Variants in ABCA5 observed in about 807,000 individuals in gnomAD.
ABCA5 encodes cholesterol transporter ABCA5.
Under a neutral mutation model 206.0 loss-of-function variants are expected in ABCA5, and 163 were observed. That is an observed-to-expected ratio of 0.79 (90% CI 0.70 to 0.90). The LOEUF (loss-of-function observed/expected upper bound fraction) is 0.90, where lower values mean the gene tolerates loss of function less well. Ranked by LOEUF, ABCA5 falls within the 40% of genes least tolerant of loss-of-function variation. ABCA5 has a pLI of 0.00. For synonymous variants in ABCA5, 609 were observed against 613.8 expected, an observed-to-expected ratio of 0.99 and a Z score of 0.11; for missense variants, 1,859 against 1,912.9, an observed-to-expected ratio of 0.97 and a Z score of 0.53.
intron 37 of ABCA5, chr17:69,249,547 C>T (rs959525312): frequency 7.9e-5 from 17 of 215,680 alleles, no homozygotes; most frequent in Middle Eastern, 1.6e-3. Flanking sequence ...ACTGCAAAGA[C>T]TCGATAATTA....
At chr17:69,312,525 G>A (rs2075780162) in intron 3 of ABCA5, among the ~76,000 whole-genome samples, 1 of 152,180 alleles carries the variant, frequency 6.6e-6, no homozygotes, top group South Asian at 2.1e-4. Flanking sequence ...ATGGTAAGCT[G>A]AAAAGGTGAC....
chr17:69,321,436 G>A (rs12937947), intron 1 of ABCA5, among the ~76,000 whole-genome samples: 54,900 of 152,094 alleles, frequency 0.36, 11,337 homozygotes, highest in South Asian at 0.5. Flanking sequence ...AAGAAACCCC[G>A]TATTTAGCAT....
At chr17:69,310,553 A>G (rs16973904) in intron 3 of ABCA5, among the ~76,000 whole-genome samples, 9,275 of 152,124 alleles carry the variant, frequency 0.061, 770 homozygotes, top group African/African-American at 0.18. Flanking sequence ...CTATGACACA[A>G]CTCCTCCTTA....
At chr17:69,302,163 C>G (rs374290781) in intron 8 of ABCA5, among the ~76,000 whole-genome samples, 1 of 152,050 alleles carries the variant, frequency 6.6e-6, no homozygotes, top group Non-Finnish European at 1.5e-5. Context: ...CACTACAAAG[C>G]CATTTCTTAT....
In ABCA5 at chr17:69,264,673, A is replaced by G. The variant is rs1188065976; in HGVS notation, c.3315+62T>C. On this transcript the variant is annotated intron_variant, in intron 24 of 38. Coordinates refer to ENST00000392676, the MANE Select transcript of ABCA5 (RefSeq NM_172232.4). ...ATGCAATAAGTCAACTGTCATGTTT[A>G]TAACAGATTTTAAATAACATTCTAT... 10 of 1,201,868 alleles carry G rather than the reference A, an allele frequency of 8.3e-6. No individual in the cohort carries two copies. The African/African-American group carries it at 1.2e-4, about 15-fold the overall frequency. 74.5% of individuals were successfully genotyped at this position (1,201,868 alleles called of 1,614,324 possible). A position where few individuals can be genotyped will look rare whatever the true frequency, so the allele number is the denominator to read the frequency against.
intron 28 of ABCA5, among the ~76,000 whole-genome samples, chr17:69,258,309 G>A (rs1054047256): frequency 1.8e-4 from 27 of 152,166 alleles, no homozygotes; most frequent in African/African-American, 6.0e-4. Flanking sequence ...AGAAAATATG[G>A]TACATATACA....
intron 33 of ABCA5, 49 bp downstream of exon 33, chr17:69,253,745 T>TAA: frequency 6.3e-7 from 1 of 1,579,600 alleles, no homozygotes; most frequent in East Asian, 2.2e-5. Context: ...TATCAGGTAC[T>TAA]AAACTATCAA....
intron 23 of ABCA5, among the ~76,000 whole-genome samples, chr17:69,265,548 C>G (rs1236374428): frequency 6.6e-6 from 1 of 151,908 alleles, no homozygotes; most frequent in Non-Finnish European, 1.5e-5. Flanking sequence ...TTTCATAAAT[C>G]CAAATACCTA....
rs58369537 is a variant in ABCA5 at position 69,263,697 on chromosome 17, C to CTTTTTTTTTTTT, written c.3315+1026_3315+1037dup. 6.8e-3 allele frequency among the ~76,000 whole-genome samples: 701 copies of CTTTTTTTTTTTT among 103,572 alleles called. 50 individuals are homozygous for CTTTTTTTTTTTT. Among genetic ancestry groups the CTTTTTTTTTTTT allele is most frequent in the African/African-American group, 0.012 (270 of 22,668 alleles). 67.9% of individuals were successfully genotyped at this position (103,572 alleles called of 152,430 possible). A position where few individuals can be genotyped will look rare whatever the true frequency, so the allele number is the denominator to read the frequency against. On this transcript the variant is annotated intron_variant, in intron 24 of 38. Transcript: ENST00000392676. ...GGCTTTGTTCTTTTTACATGGATTC[C>CTTTTTTTTTTTT]TTTTTTTTTTTTTTTTTGATAAAAA...
At chr17:69,251,944 G>C in intron 34 of ABCA5, 78 bp from the exon 35 acceptor site, 2 of 1,515,602 alleles carry the variant, frequency 1.3e-6, no homozygotes, top group East Asian at 2.3e-5. Flanking sequence ...AAATCCAACC[G>C]GTTGGTTAAT....
At position 69,284,013 on chromosome 17, in the gene ABCA5, T is replaced by G. The variant is rs774828617; in HGVS notation, c.2332A>C (p.Met778Leu). 5 of 1,607,738 alleles carry G rather than the reference T, an allele frequency of 3.1e-6. No individual in the cohort carries two copies. In the South Asian group the frequency reaches 5.6e-5, roughly 18 times the overall value. Residue 778 changes from methionine to leucine, a missense_variant, in exon 18 of 39, where the codon ATG (methionine) becomes CTG (leucine). By Grantham distance (15) the Met-to-Leu change is conservative. Coordinates refer to ENST00000392676, the MANE Select transcript of ABCA5 (RefSeq NM_172232.4). The part of the protein sequence containing the change: ...NLGVISYGVS[M>L]TTLEDVFLKL... Reference sequence around the variant, plus strand: ...AAAAATACGTCTTCCAAAGTCGTCATGGAAACACCATAAGAAATGACACCC... The same window carrying G: ...AAAAATACGTCTTCCAAAGTCGTCAGGGAAACACCATAAGAAATGACACCC...
intron 9 of ABCA5, among the ~76,000 whole-genome samples, chr17:69,298,231 G>C (rs2075605654): frequency 1.2e-5 from 1 of 82,374 alleles, no homozygotes; most frequent in Non-Finnish European, 2.5e-5. Context: ...AAGGTAGGTA[G>C]GAAGGAAGGA....
chr17:69,261,642 T>C lies in ABCA5; in HGVS notation c.3422A>G (p.Tyr1141Cys), dbSNP rs999361838. The C allele has an allele frequency of 2.3e-6, 3 of 1,321,878 alleles. No homozygotes were observed. The highest frequency in any genetic ancestry group is 2.5e-5 in the East Asian group (1 of 39,926). The allele number at this position is 1,321,878 out of a possible 1,614,324, so 81.9% of individuals were successfully genotyped here. ...LNTKEFWSFI[Y>C]SVAALACIAI... ...ATGTAAAATGTGACTTACCACAGAA[T>C]AGATAAATGACCAAAATTCTTTGGT... Residue 1141 changes from tyrosine (Y) to cysteine (C), a missense_variant, in exon 25 of 39, where the codon TAT becomes TGT. Coordinates refer to ENST00000392676, the MANE Select transcript of ABCA5 (RefSeq NM_172232.4).
intron 19 of ABCA5, 98 bp from the exon 20 acceptor site, chr17:69,274,226 T>C (rs2075305993): frequency 8.4e-7 from 1 of 1,190,780 alleles, no homozygotes; most frequent in African/African-American, 1.6e-5. Flanking sequence ...GGACTTTTTT[T>C]GTTTTTATTT....
chr17:69,290,110 C>T, intron 12 of ABCA5, 73 bp from the exon 13 acceptor site: 1 of 1,106,894 alleles, frequency 9.0e-7, no homozygotes, highest in Non-Finnish European at 1.2e-6. Flanking sequence ...ATCCTGATAA[C>T]TTAGTTATTT....
At chr17:69,312,395 T>C (rs1014153711) in intron 3 of ABCA5, among the ~76,000 whole-genome samples, 1 of 152,166 alleles carries the variant, frequency 6.6e-6, no homozygotes, top group African/African-American at 2.4e-5. Context: ...AGATCCCATC[T>C]CTACAAAAAA....
At chr17:69,275,331 G>C (rs1598168010) in intron 19 of ABCA5, among the ~76,000 whole-genome samples, 1 of 152,262 alleles carries the variant, frequency 6.6e-6, no homozygotes, top group African/African-American at 2.4e-5. Context: ...CTGAAGAGCA[G>C]CTACTTATCT....
intron 9 of ABCA5, among the ~76,000 whole-genome samples, chr17:69,300,178 G>A (rs936148580): frequency 6.6e-6 from 1 of 152,184 alleles, no homozygotes; most frequent in Non-Finnish European, 1.5e-5. Flanking sequence ...GGGGTGATGG[G>A]AGACAGTGAC....
At chr17:69,323,466 C>A (rs1409889194) in intron 1 of ABCA5, among the ~76,000 whole-genome samples, 2 of 152,178 alleles carry the variant, frequency 1.3e-5, no homozygotes, top group Non-Finnish European at 1.5e-5. Context: ...GTGTGACCAT[C>A]CTCAAGTTTT....
Sources: gnomAD v4.1 joint callset for allele counts (sites outside exome capture counted in the v4.1 genomes callset) on GRCh38, gnomAD v4.1.1 for gene constraint, MANE v1.5 for transcripts, NCBI Gene and HGNC (gene_info 2026-07-23, HGNC 2026-07-21) for gene names.